The following PXYLP1 variants were observed in gnomAD, a reference collection of about 807,000 sequenced individuals.
The protein encoded by PXYLP1 is 2-phosphoxylose phosphatase 1, also known as acid phosphatase-like 2.
In PXYLP1, 17 loss-of-function variants were observed where a neutral mutation model predicts 37.9. That is an observed-to-expected ratio of 0.45 (90% CI 0.31 to 0.67). The LOEUF (loss-of-function observed/expected upper bound fraction) is 0.67. Ranked by LOEUF, PXYLP1 falls within the 30% of genes least tolerant of loss-of-function variation. The probability of loss-of-function intolerance (pLI) is 0.07; values close to 1 mark genes in which losing one functional copy is unlikely to be tolerated. For missense variants in PXYLP1, 511 were observed against 612.0 expected, an observed-to-expected ratio of 0.84 and a Z score of 1.74; for synonymous variants, 221 against 232.2, an observed-to-expected ratio of 0.95 and a Z score of 0.44.
chr3:141,275,381 G>T lies in PXYLP1; in HGVS notation c.80-2961G>T, dbSNP rs146126408. Among the ~76,000 whole-genome samples the T allele has an allele frequency of 5.5e-3, 838 of 152,298 alleles. 3 individuals carry two copies. The highest frequency in any genetic ancestry group is 8.6e-3 in the Non-Finnish European group (586 of 68,018). On this transcript the variant is annotated intron_variant, in intron 2 of 5. Coordinates refer to ENST00000286353, the MANE Select transcript of PXYLP1 (RefSeq NM_001037172.3). ...CTGTGGGCACTCTAGGACACCCACT[G>T]TCCTCACCTGTGCCCCTCCATTTCT...
chr3:141,268,894 G>A (rs908235243), intron 2 of PXYLP1, among the ~76,000 whole-genome samples: 1 of 152,228 alleles, frequency 6.6e-6, no homozygotes, highest in Admixed American at 6.5e-5. Flanking sequence ...TCTGGCTGGA[G>A]CTTCAGCATC....
chr3:141,276,220 T>TA (rs1941790981), intron 2 of PXYLP1, among the ~76,000 whole-genome samples: 1 of 152,220 alleles, frequency 6.6e-6, no homozygotes, highest in Non-Finnish European at 1.5e-5. Context: ...TCCCCATTGT[T>TA]ACGCAACTCA....
intron 1 of PXYLP1, among the ~76,000 whole-genome samples, chr3:141,253,558 C>A (rs929242788): frequency 3.3e-5 from 5 of 152,082 alleles, no homozygotes; most frequent in Non-Finnish European, 7.3e-5. Context: ...TCCAATCTGC[C>A]GTATCCTAGC....
At chr3:141,248,606 C>T (rs200776844) in intron 1 of PXYLP1, among the ~76,000 whole-genome samples, 960 of 55,044 alleles carry the variant, frequency 0.017, 129 homozygotes, top group African/African-American at 0.09. Flanking sequence ...TGTATATATA[C>T]ACACGTATAT....
intron 2 of PXYLP1, among the ~76,000 whole-genome samples, chr3:141,275,313 C>T (rs1462042272): frequency 6.6e-6 from 1 of 152,184 alleles, no homozygotes; most frequent in Non-Finnish European, 1.5e-5. Flanking sequence ...AAATGGCAGC[C>T]ACAACAGGCC....
rs953528889 is a variant in PXYLP1 at position 141,262,783 on chromosome 3, A to G, written c.79+2529A>G. On this transcript the variant is annotated intron_variant, in intron 2 of 5. Coordinates refer to ENST00000286353, the MANE Select transcript of PXYLP1 (RefSeq NM_001037172.3). ...AGAAGTGAGTTTAATTGCTCCATTT[A>G]TTTAATTGCTTTATTGGTTGCTTAT... 17 of 1,214,760 alleles carry G rather than the reference A, an allele frequency of 1.4e-5. 1 individual carries two copies. The highest frequency in any genetic ancestry group is 2.0e-5 in the Non-Finnish European group (17 of 856,242). 75.2% of individuals were successfully genotyped at this position (1,214,760 alleles called of 1,614,324 possible).
chr3:141,260,251 T>G lies in PXYLP1; in HGVS notation c.76T>G (p.Phe26Val). Residue 26 changes from phenylalanine (F) to valine (V), a missense_variant, in exon 2 of 6, where the codon TTC (phenylalanine) becomes GTC (valine). By Grantham distance (50) the Phe-to-Val change is conservative (BLOSUM62 -1). Transcript: ENST00000286353. ...GGCCTTTGTGAGCCTCAGCCTGCAGTTCTGTGAGTAGAGCCGGGCCCCGCA... is the reference window on the plus strand; with the variant it reads ...GGCCTTTGTGAGCCTCAGCCTGCAGGTCTGTGAGTAGAGCCGGGCCCCGCA... ...LLAFVSLSLQ[F>V]FHLIPVSTPK... The G allele has an allele frequency of 6.2e-7, 1 of 1,612,950 alleles. No individual in the cohort carries two copies. The highest frequency in any genetic ancestry group is 8.5e-7 in the Non-Finnish European group (1 of 1,180,028).
At chr3:141,233,887 C>T (rs748025345) in intron 1 of PXYLP1, among the ~76,000 whole-genome samples, 8 of 152,136 alleles carry the variant, frequency 5.3e-5, no homozygotes, top group African/African-American at 1.4e-4. Context: ...CAGAAATTCC[C>T]GTGGGCTTCT....
chr3:141,289,882 C>A (rs1942161796), intron 5 of PXYLP1, among the ~76,000 whole-genome samples: 1 of 152,162 alleles, frequency 6.6e-6, no homozygotes, highest in South Asian at 2.1e-4. Context: ...TGAGAAGAGG[C>A]TGGGGGGTTG....
intron 2 of PXYLP1, among the ~76,000 whole-genome samples, chr3:141,268,368 A>G (rs1941583290): frequency 6.6e-6 from 1 of 152,224 alleles, no homozygotes; most frequent in African/African-American, 2.4e-5. Flanking sequence ...GATGAACAGA[A>G]TAGAAAGCCA....
intron 2 of PXYLP1, chr3:141,273,824 A>T (rs1273282640): frequency 2.0e-6 from 2 of 985,346 alleles, no homozygotes; most frequent in Middle Eastern, 5.2e-4. Context: ...GAGAAATTGC[A>T]TGCCCGTTGG....
At chr3:141,274,517 A>G (rs1452527832) in intron 2 of PXYLP1, 2 of 1,492,492 alleles carry the variant, frequency 1.3e-6, no homozygotes, top group Non-Finnish European at 1.8e-6. Context: ...GCCTGTTTGG[A>G]TGCCCCTCAC....
At chr3:141,287,827 TCAA>T (rs746757828) in intron 5 of PXYLP1, among the ~76,000 whole-genome samples, 14 of 152,224 alleles carry the variant, frequency 9.2e-5, no homozygotes, top group Non-Finnish European at 1.3e-4. Flanking sequence ...ACTTTTCCAC[TCAA>T]CAACACATTT....
chr3:141,287,977 A>C (rs896842768), intron 5 of PXYLP1, among the ~76,000 whole-genome samples: 8 of 152,234 alleles, frequency 5.3e-5, no homozygotes, highest in African/African-American at 1.9e-4. Flanking sequence ...AAAACTTCTA[A>C]TAGGTTTTCA....
intron 2 of PXYLP1, among the ~76,000 whole-genome samples, chr3:141,276,081 G>A (rs924876142): frequency 1.3e-5 from 2 of 152,216 alleles, no homozygotes; most frequent in African/African-American, 2.4e-5. Flanking sequence ...GTTCAGGTTT[G>A]TAGCCTAGGA....
At chr3:141,277,356 G>A (rs1473446849) in intron 2 of PXYLP1, among the ~76,000 whole-genome samples, 2 of 152,114 alleles carry the variant, frequency 1.3e-5, no homozygotes, top group Non-Finnish European at 2.9e-5. Context: ...CTCAAAGGGC[G>A]GATGCTGAAA....
intron 1 of PXYLP1, among the ~76,000 whole-genome samples, chr3:141,254,264 A>G (rs1391897024): frequency 1.3e-5 from 2 of 152,078 alleles, no homozygotes; most frequent in Admixed American, 6.5e-5. Flanking sequence ...TTCTCCCATA[A>G]ATACTTTAGT....
At chr3:141,291,743 A>T (rs1942214458) in intron 5 of PXYLP1, 2 of 157,920 alleles carry the variant, frequency 1.3e-5, no homozygotes, top group Non-Finnish European at 2.8e-5. Context: ...GTTATCAGAG[A>T]ACATTCGGTT....
In PXYLP1 at chr3:141,293,219, C is replaced by A. The variant is rs1942275143; in HGVS notation, c.*14C>A. The stretch of plus-strand genomic sequence containing the variant: ...GAAGGATTCTAAAAGGTATGCAGTA[C>A]AGCAGTATAGAATCCATGCCAATAC... On this transcript the variant is annotated 3_prime_UTR_variant, in exon 6 of 6. Coordinates refer to ENST00000286353, the MANE Select transcript of PXYLP1 (RefSeq NM_001037172.3). 2 of 1,604,078 alleles carry A rather than the reference C, an allele frequency of 1.2e-6. No homozygotes were observed. Among genetic ancestry groups the A allele is most frequent in the African/African-American group, 2.7e-5 (2 of 74,778 alleles).
Sources: allele counts gnomAD v4.1 joint callset (sites outside exome capture counted in the v4.1 genomes callset), GRCh38; gene constraint gnomAD v4.1.1; transcripts MANE v1.5; gene names NCBI Gene and HGNC (gene_info 2026-07-23, HGNC 2026-07-21).